The following COL23A1 variants were observed in gnomAD, a reference collection of about 807,000 sequenced individuals.
COL23A1 encodes the protein collagen type XXIII alpha 1 chain.
A neutral mutation model predicts 99.3 loss-of-function variants in COL23A1; 97 were observed. The observed-to-expected ratio is 0.98, with a 90% confidence interval of 0.83 to 1.16. COL23A1 has a LOEUF of 1.16. COL23A1 is among the 50% of genes most tolerant of loss of function. COL23A1 has a pLI of 0.00. For missense variants in COL23A1, 762 were observed against 757.4 expected, an observed-to-expected ratio of 1.01 and a Z score of -0.07; for synonymous variants, 320 against 308.2, an observed-to-expected ratio of 1.04 and a Z score of -0.40.
chr5:178,566,496 C>T (rs866347202), intron 1 of COL23A1, among the ~76,000 whole-genome samples: 2 of 152,150 alleles, frequency 1.3e-5, no homozygotes, highest in African/African-American at 4.8e-5. Context: ...ACCTAAGTAA[C>T]GTTGCAAAAT....
intron 2 of COL23A1, among the ~76,000 whole-genome samples, chr5:178,493,875 T>C (rs1213749510): frequency 6.6e-6 from 1 of 152,200 alleles, no homozygotes; most frequent in Non-Finnish European, 1.5e-5. Context: ...CCAGCAAATG[T>C]CAATGCATGC....
chr5:178,505,276 G>A (rs1758799943), intron 2 of COL23A1, among the ~76,000 whole-genome samples: 1 of 150,900 alleles, frequency 6.6e-6, no homozygotes, highest in Non-Finnish European at 1.5e-5. Context: ...TTGAGACAGA[G>A]TCTTGCTCTG....
chr5:178,504,019 A>G (rs574813665), intron 2 of COL23A1, among the ~76,000 whole-genome samples: 7 of 151,570 alleles, frequency 4.6e-5, no homozygotes, highest in Admixed American at 1.3e-4. Context: ...TTATCAAGTA[A>G]TATGCTGCAA....
At chr5:178,532,768 C>G (rs976702866) in intron 2 of COL23A1, among the ~76,000 whole-genome samples, 1 of 152,078 alleles carries the variant, frequency 6.6e-6, no homozygotes, top group Non-Finnish European at 1.5e-5. Flanking sequence ...GATAGGGCCC[C>G]GGTGATGGGA....
chr5:178,516,829 T>A (rs1396823455), intron 2 of COL23A1, among the ~76,000 whole-genome samples: 1 of 152,136 alleles, frequency 6.6e-6, no homozygotes, highest in Admixed American at 6.5e-5. Context: ...TCCCTGCACC[T>A]CACACCTATC....
intron 12 of COL23A1, among the ~76,000 whole-genome samples, chr5:178,258,262 T>TATATACAC: frequency 0.022 from 2,322 of 104,060 alleles, 272 homozygotes; most frequent in South Asian, 0.04. Context: ...TATATATATA[T>TATATACAC]ACACATGCAA....
chr5:178,528,804 C>A (rs1176087536), intron 2 of COL23A1, among the ~76,000 whole-genome samples: 1 of 152,206 alleles, frequency 6.6e-6, no homozygotes, highest in Admixed American at 6.5e-5. Context: ...GAGTGAAACT[C>A]CATCTCAATA....
rs143478497 is a variant in COL23A1 at position 178,529,519 on chromosome 5, G to A, written c.361+31163C>T. 4.2e-4 allele frequency among the ~76,000 whole-genome samples: 64 copies of A among 152,306 alleles called. No homozygotes were observed. In the East Asian group the frequency reaches 0.01, roughly 24 times the overall value. On this transcript the variant is annotated intron_variant, in intron 2 of 28. Coordinates refer to ENST00000390654, the MANE Select transcript of COL23A1 (RefSeq NM_173465.4). ...GATGCCTGAAGTGAGAAATCTACCC[G>A]TGGCCTTTCTAGTTACATAAACCAA... is the stretch of plus-strand genomic sequence containing the variant.
At chr5:178,473,028 C>T (rs1302311377) in intron 2 of COL23A1, among the ~76,000 whole-genome samples, 4 of 152,030 alleles carry the variant, frequency 2.6e-5, no homozygotes, top group African/African-American at 7.3e-5. Context: ...GAAGCTGAGG[C>T]GAGAGGATCG....
intron 2 of COL23A1, among the ~76,000 whole-genome samples, chr5:178,346,264 C>T (rs1003802867): frequency 3.3e-5 from 5 of 151,924 alleles, no homozygotes; most frequent in Admixed American, 1.3e-4. Context: ...GATGGAGTTT[C>T]GTTCTGTCGC....
At chr5:178,548,343 A>C (rs954107321) in intron 2 of COL23A1, among the ~76,000 whole-genome samples, 2 of 151,932 alleles carry the variant, frequency 1.3e-5, no homozygotes, top group African/African-American at 4.8e-5. Flanking sequence ...GCCAAAATTA[A>C]CAGATCTCAA....
chr5:178,572,335 A>G (rs1043973516), intron 1 of COL23A1, among the ~76,000 whole-genome samples: 3 of 152,136 alleles, frequency 2.0e-5, no homozygotes, highest in Non-Finnish European at 4.4e-5. Flanking sequence ...GGAGTGAGAA[A>G]GAGCAAAATA....
intron 2 of COL23A1, among the ~76,000 whole-genome samples, chr5:178,394,546 C>T (rs1764126175): frequency 6.6e-6 from 1 of 152,236 alleles, no homozygotes; most frequent in Non-Finnish European, 1.5e-5. Context: ...CCGGCCTCAA[C>T]ATGGTGTTCA....
intron 2 of COL23A1, among the ~76,000 whole-genome samples, chr5:178,422,404 G>C (rs1765682758): frequency 6.6e-6 from 1 of 152,206 alleles, no homozygotes; most frequent in African/African-American, 2.4e-5. Flanking sequence ...TAACAGAGCT[G>C]CTGAGCAACT....
intron 2 of COL23A1, among the ~76,000 whole-genome samples, chr5:178,322,555 G>A (rs1273471342): frequency 2.0e-5 from 3 of 152,102 alleles, no homozygotes; most frequent in East Asian, 1.9e-4. Context: ...GACCTGGAAC[G>A]AGCTGGCTCC....
At chr5:178,394,799 G>A (rs1013490222) in intron 2 of COL23A1, among the ~76,000 whole-genome samples, 4 of 152,214 alleles carry the variant, frequency 2.6e-5, no homozygotes, top group African/African-American at 4.8e-5. Flanking sequence ...CCTGGGTCTC[G>A]GGCAAGGGCT....
intron 2 of COL23A1, among the ~76,000 whole-genome samples, chr5:178,349,781 TG>T (rs1268288784): frequency 6.6e-6 from 1 of 152,058 alleles, no homozygotes; most frequent in Non-Finnish European, 1.5e-5. Flanking sequence ...CTTGCAGGGG[TG>T]AGAGTGGGGG....
At chr5:178,438,815 C>T (rs1561972880) in intron 2 of COL23A1, 1 of 152,194 alleles carries the variant, frequency 6.6e-6, no homozygotes, top group African/African-American at 2.4e-5. Flanking sequence ...AGAACTGACT[C>T]TTGGGTCCAA....
chr5:178,276,026 C>T (rs991897049), intron 5 of COL23A1, among the ~76,000 whole-genome samples: 4 of 152,196 alleles, frequency 2.6e-5, no homozygotes, highest in South Asian at 2.1e-4. Context: ...ACTAACGCAG[C>T]GGGCATTTGA....
Sources: allele counts gnomAD v4.1 joint callset (sites outside exome capture counted in the v4.1 genomes callset), GRCh38; gene constraint gnomAD v4.1.1; transcripts MANE v1.5; gene names NCBI Gene and HGNC (gene_info 2026-07-23, HGNC 2026-07-21).